ADGRG7: variants seen among roughly 807,000 people sequenced by gnomAD.
The protein encoded by ADGRG7 is G-protein coupled receptor 128.
ADGRG7 carries 82 observed loss-of-function variants against 88.6 expected under a neutral mutation model. The ratio of observed to expected loss-of-function variants is 0.93; its 90% CI spans 0.77 to 1.11. The LOEUF (loss-of-function observed/expected upper bound fraction) is 1.11, where lower values mean the gene tolerates loss of function less well. Ranked by LOEUF, ADGRG7 falls within the 50% of genes most tolerant of loss-of-function variation. The probability of loss-of-function intolerance (pLI) is 0.00; values close to 1 mark genes in which losing one functional copy is unlikely to be tolerated. For missense variants in ADGRG7, 945 were observed against 953.4 expected (o/e 0.99, Z 0.12); for synonymous variants, 381 against 345.2 (o/e 1.10, Z -1.15).
intron 15 of ADGRG7, among the ~76,000 whole-genome samples, chr3:100,691,429 C>T (rs1373041790): frequency 6.6e-6 from 1 of 152,166 alleles, no homozygotes; most frequent in Non-Finnish European, 1.5e-5. Context: ...GTTGGAAATG[C>T]AGAAATCACC....
chr3:100,694,679 A>G, intron 15 of ADGRG7, 65 bp from the exon 16 acceptor site: 1 of 1,473,548 alleles, frequency 6.8e-7, no homozygotes, highest in Non-Finnish European at 9.3e-7. Context: ...AGAGTGAAAT[A>G]AAATGTCTTC....
chr3:100,652,773 A>G (rs1483519226), intron 11 of ADGRG7, among the ~76,000 whole-genome samples: 2 of 151,956 alleles, frequency 1.3e-5, no homozygotes, highest in Non-Finnish European at 2.9e-5. Flanking sequence ...CACCATATAC[A>G]CACATACACA....
At chr3:100,681,746 A>C (rs898798217) in intron 15 of ADGRG7, among the ~76,000 whole-genome samples, 2 of 152,218 alleles carry the variant, frequency 1.3e-5, no homozygotes, top group African/African-American at 4.8e-5. Context: ...TAGTATGGAA[A>C]CATGTCTTCT....
chr3:100,640,682 C>T (rs1043681506), intron 6 of ADGRG7, among the ~76,000 whole-genome samples: 4 of 152,080 alleles, frequency 2.6e-5, no homozygotes, highest in African/African-American at 9.7e-5. Context: ...CAACCCTGCC[C>T]AGCTAATTTT....
chr3:100,620,970 C>G (rs1013356288), intron 1 of ADGRG7, among the ~76,000 whole-genome samples: 5 of 151,872 alleles, frequency 3.3e-5, no homozygotes, highest in African/African-American at 1.2e-4. Context: ...ATATGTCAAA[C>G]TTTTTCATTA....
intron 3 of ADGRG7, among the ~76,000 whole-genome samples, chr3:100,632,889 CTT>C: frequency 1.3e-5 from 2 of 152,284 alleles, no homozygotes; most frequent in African/African-American, 4.8e-5. Context: ...TAACAGAACT[CTT>C]TGCCTTTCAG....
rs375365345 is a variant in ADGRG7 at position 100,643,519 on chromosome 3, C to T, written c.839-7C>T. 3.5e-5 allele frequency: 57 copies of T among 1,610,982 alleles called. No homozygotes were observed. In the Middle Eastern group the frequency reaches 6.6e-4, roughly 19 times the overall value. On this transcript the variant is annotated splice_region_variant and splice_polypyrimidine_tract_variant and intron_variant, in intron 7 of 15. Transcript: ENST00000273352. Reference sequence around the variant, plus strand: ...CTTTTACAATTCTACTCTTTCCCTTCTCATAGGAGCTAGCAGTTCTCTAGT... The same window carrying T: ...CTTTTACAATTCTACTCTTTCCCTTTTCATAGGAGCTAGCAGTTCTCTAGT...
intron 15 of ADGRG7, among the ~76,000 whole-genome samples, chr3:100,670,101 T>A (rs1485148199): frequency 6.6e-6 from 1 of 152,160 alleles, no homozygotes; most frequent in Non-Finnish European, 1.5e-5. Context: ...TAGATCTTAT[T>A]CATTCTAACT....
chr3:100,694,712 T>C, intron 15 of ADGRG7, 32 bp from the exon 16 acceptor site: 1 of 1,600,978 alleles, frequency 6.2e-7, no homozygotes. Flanking sequence ...TCTCAGCACT[T>C]ACCCAACATT....
intron 6 of ADGRG7, among the ~76,000 whole-genome samples, chr3:100,642,922 G>T (rs1242550888): frequency 6.6e-6 from 1 of 152,178 alleles, no homozygotes; most frequent in Non-Finnish European, 1.5e-5. Flanking sequence ...AATTAGAAGT[G>T]CATGCCTTGC....
intron 1 of ADGRG7, among the ~76,000 whole-genome samples, chr3:100,616,533 C>A (rs1190192898): frequency 1.3e-5 from 2 of 152,090 alleles, no homozygotes; most frequent in Non-Finnish European, 2.9e-5. Flanking sequence ...CATTAAGGTG[C>A]TGAGCATGGT....
chr3:100,679,678 A>C (rs1165261), intron 15 of ADGRG7, among the ~76,000 whole-genome samples: 78,288 of 151,944 alleles, frequency 0.52, 21,418 homozygotes, highest in Middle Eastern at 0.66. Flanking sequence ...ATATAGTAGC[A>C]ATAGAGTTGG....
chr3:100,684,014 T>G (rs919490955), intron 15 of ADGRG7, among the ~76,000 whole-genome samples: 16 of 152,186 alleles, frequency 1.1e-4, no homozygotes, highest in Non-Finnish European at 2.4e-4. Flanking sequence ...TTAATATATC[T>G]GTGGAGCATT....
chr3:100,628,598 C>T (rs772663322), intron 1 of ADGRG7, among the ~76,000 whole-genome samples: 11 of 152,238 alleles, frequency 7.2e-5, no homozygotes, highest in Non-Finnish European at 1.2e-4. Context: ...TCAAGTGATC[C>T]GCCCACCTCA....
intron 14 of ADGRG7, among the ~76,000 whole-genome samples, chr3:100,668,338 C>T (rs1016784630): frequency 6.6e-6 from 1 of 152,184 alleles, no homozygotes; most frequent in African/African-American, 2.4e-5. Context: ...CACATAGTCT[C>T]TCATCTGCCA....
intron 5 of ADGRG7, among the ~76,000 whole-genome samples, chr3:100,636,710 A>T (rs1279932893): frequency 6.6e-6 from 1 of 152,218 alleles, no homozygotes; most frequent in Non-Finnish European, 1.5e-5. Flanking sequence ...TAAAAATGGA[A>T]TTGAAAGAGA....
chr3:100,661,282 C>T lies in ADGRG7; in HGVS notation c.1979+1439C>T, dbSNP rs73145177. 9.1e-4 allele frequency among the ~76,000 whole-genome samples: 139 copies of T among 152,314 alleles called. 1 individual carries two copies. The Middle Eastern group carries it at 0.017, about 19-fold the overall frequency. On this transcript the variant is annotated intron_variant, in intron 14 of 15. Transcript: ENST00000273352. Reference sequence around the variant, plus strand: ...TCAGATTTAATTCTATAAGATTTTGCTCATATAGTAAGTAGACTTAATAAA... The same window carrying T: ...TCAGATTTAATTCTATAAGATTTTGTTCATATAGTAAGTAGACTTAATAAA...
At chr3:100,614,282 A>T (rs951816916) in intron 1 of ADGRG7, among the ~76,000 whole-genome samples, 1 of 152,202 alleles carries the variant, frequency 6.6e-6, no homozygotes, top group African/African-American at 2.4e-5. Context: ...TGAAACAGAA[A>T]CAGTTCTAAG....
chr3:100,694,309 G>A (rs2094998600), intron 15 of ADGRG7, among the ~76,000 whole-genome samples: 2 of 151,996 alleles, frequency 1.3e-5, no homozygotes, highest in Non-Finnish European at 2.9e-5. Context: ...TGACTAGAAG[G>A]GCTTTACATT....
Sources: gnomAD v4.1 joint callset for allele counts (sites outside exome capture counted in the v4.1 genomes callset) on GRCh38, gnomAD v4.1.1 for gene constraint, MANE v1.5 for transcripts, NCBI Gene and HGNC (gene_info 2026-07-23, HGNC 2026-07-21) for gene names.